Variants in RALGPS1 observed in about 807,000 individuals in gnomAD.
The protein encoded by RALGPS1 is ras-specific guanine nucleotide-releasing factor RalGPS1.
In RALGPS1, 19 loss-of-function variants were observed where a neutral mutation model predicts 78.8. The observed-to-expected ratio is 0.24, with a 90% CI of 0.17 to 0.35. The LOEUF is 0.35. Ranked by LOEUF, RALGPS1 falls within the 10% of genes least tolerant of loss-of-function variation. RALGPS1 has a pLI of 1.00. For missense variants in RALGPS1, 454 were observed against 688.3 expected, an observed-to-expected ratio of 0.66 and a Z score of 3.81; for synonymous variants, 228 against 256.3, an observed-to-expected ratio of 0.89 and a Z score of 1.06.
At chr9:127,039,987 T>C (rs897468162) in intron 5 of RALGPS1, among the ~76,000 whole-genome samples, 1 of 152,208 alleles carries the variant, frequency 6.6e-6, no homozygotes, top group Non-Finnish European at 1.5e-5. Context: ...TAGTTGCACT[T>C]CTCAGCCTAG....
At chr9:127,055,039 G>C (rs1030815397) in intron 7 of RALGPS1, among the ~76,000 whole-genome samples, 2 of 146,084 alleles carry the variant, frequency 1.4e-5, no homozygotes, top group Non-Finnish European at 3.0e-5. Context: ...GAGAGAGAGA[G>C]AAGAAATCTC....
chr9:126,960,192 C>T (rs2038752200), intron 1 of RALGPS1, among the ~76,000 whole-genome samples: 1 of 79,432 alleles, frequency 1.3e-5, no homozygotes, highest in Non-Finnish European at 2.4e-5. Context: ...CCCTCCCTCC[C>T]TTCCTTCCCT....
intron 7 of RALGPS1, among the ~76,000 whole-genome samples, chr9:127,067,992 T>C (rs1159251957): frequency 6.6e-6 from 1 of 152,218 alleles, no homozygotes; most frequent in African/African-American, 2.4e-5. Context: ...CATAAAGTCT[T>C]GAAAACCAGG....
At chr9:127,106,333 A>G (rs2054212156) in intron 8 of RALGPS1, among the ~76,000 whole-genome samples, 1 of 152,240 alleles carries the variant, frequency 6.6e-6, no homozygotes, top group Non-Finnish European at 1.5e-5. Flanking sequence ...TCTGATTTAA[A>G]GCAGACACGT....
intron 12 of RALGPS1, among the ~76,000 whole-genome samples, chr9:127,195,893 C>T (rs1266509738): frequency 2.0e-5 from 3 of 152,082 alleles, no homozygotes; most frequent in Admixed American, 6.6e-5. Flanking sequence ...CTAGGCAGGC[C>T]CTGGAGGAGC....
intron 4 of RALGPS1, among the ~76,000 whole-genome samples, chr9:127,024,285 A>G (rs1353205287): frequency 1.3e-5 from 2 of 151,850 alleles, no homozygotes; most frequent in Non-Finnish European, 2.9e-5. Flanking sequence ...AAGCTTATGA[A>G]GAAAAACCTT....
intron 4 of RALGPS1, among the ~76,000 whole-genome samples, chr9:126,998,268 T>G (rs981102121): frequency 6.6e-6 from 1 of 151,994 alleles, no homozygotes; most frequent in Non-Finnish European, 1.5e-5. Context: ...TGCAACCTAC[T>G]CATCTGACAA....
At chr9:126,935,899 A>G (rs1033530371) in intron 1 of RALGPS1, among the ~76,000 whole-genome samples, 2 of 152,238 alleles carry the variant, frequency 1.3e-5, no homozygotes, top group Non-Finnish European at 2.9e-5. Context: ...TTAGAAGCAC[A>G]GCAGCTGCCC....
intron 7 of RALGPS1, among the ~76,000 whole-genome samples, chr9:127,053,388 C>T (rs1267282210): frequency 1.3e-5 from 2 of 152,082 alleles, no homozygotes; most frequent in South Asian, 4.1e-4. Flanking sequence ...GGATTTTTTT[C>T]CTAAGGCCCT....
chr9:126,959,593 C>CTTTTTTT (rs11296664), intron 1 of RALGPS1, among the ~76,000 whole-genome samples: 1 of 144,170 alleles, frequency 6.9e-6, no homozygotes, highest in African/African-American at 2.6e-5. Flanking sequence ...CTGACCAGTT[C>CTTTTTTT]TTTTTTTTTT....
intron 4 of RALGPS1, among the ~76,000 whole-genome samples, chr9:127,000,831 G>T (rs1190383193): frequency 6.6e-6 from 1 of 151,186 alleles, no homozygotes; most frequent in South Asian, 2.1e-4. Flanking sequence ...TGGGATTATA[G>T]GTGTGAGCCA....
At chr9:127,092,783 C>T (rs1169534484) in intron 8 of RALGPS1, among the ~76,000 whole-genome samples, 1 of 151,956 alleles carries the variant, frequency 6.6e-6, no homozygotes, top group Admixed American at 6.6e-5. Context: ...TCTCCCGCTC[C>T]TAATGTAGGT....
At chr9:126,982,805 C>A (rs1326736451) in intron 4 of RALGPS1, among the ~76,000 whole-genome samples, 1 of 143,684 alleles carries the variant, frequency 7.0e-6, no homozygotes, top group Non-Finnish European at 1.5e-5. Context: ...CTTCTTCTTC[C>A]TTCTTTCTTC....
chr9:126,990,887 C>G (rs575410024), intron 4 of RALGPS1, among the ~76,000 whole-genome samples: 1 of 152,132 alleles, frequency 6.6e-6, no homozygotes, highest in Admixed American at 6.5e-5. Flanking sequence ...TGTTTTTTGT[C>G]GAATACATTT....
chr9:127,072,201 C>T (rs1342486805), intron 8 of RALGPS1, among the ~76,000 whole-genome samples: 1 of 152,128 alleles, frequency 6.6e-6, no homozygotes, highest in Non-Finnish European at 1.5e-5. Flanking sequence ...TGTACCGATG[C>T]ACCACGTTTA....
Position 127,210,122 on chromosome 9 carries a change from A to C in RALGPS1, c.1248-2009A>C, listed in dbSNP as rs529243812. On this transcript the variant is annotated intron_variant, in intron 14 of 18. Coordinates refer to ENST00000259351, the MANE Select transcript of RALGPS1 (RefSeq NM_014636.3). ...GGGGAGTGCATGTGAGAGGAAAGCCAGAGGGCCGCCCACGGAGCAAGCTTG... is the reference window on the plus strand; with the variant it reads ...GGGGAGTGCATGTGAGAGGAAAGCCCGAGGGCCGCCCACGGAGCAAGCTTG... 2.0e-4 allele frequency among the ~76,000 whole-genome samples: 31 copies of C among 152,312 alleles called. 2 individuals are homozygous for C. The South Asian group carries it at 6.2e-3, about 31-fold the overall frequency.
At chr9:127,163,515 CAT>C (rs1397048717) in intron 8 of RALGPS1, among the ~76,000 whole-genome samples, 1 of 152,166 alleles carries the variant, frequency 6.6e-6, no homozygotes. Context: ...GAAGTATTAG[CAT>C]ATGTTTCTGT....
At chr9:126,999,113 C>T (rs1199561056) in intron 4 of RALGPS1, among the ~76,000 whole-genome samples, 1 of 151,384 alleles carries the variant, frequency 6.6e-6, no homozygotes, top group African/African-American at 2.4e-5. Context: ...CACATGTATA[C>T]ATATGTAACA....
At chr9:126,987,948 A>C (rs2041954839) in intron 4 of RALGPS1, among the ~76,000 whole-genome samples, 1 of 152,182 alleles carries the variant, frequency 6.6e-6, no homozygotes, top group African/African-American at 2.4e-5. Flanking sequence ...TGTCCCACAG[A>C]AGGGATGTTT....
Sources: allele counts gnomAD v4.1 joint callset (sites outside exome capture counted in the v4.1 genomes callset), GRCh38; gene constraint gnomAD v4.1.1; transcripts MANE v1.5; gene names NCBI Gene and HGNC (gene_info 2026-07-23, HGNC 2026-07-21).